The following BICD1 variants were observed in gnomAD, a reference collection of about 807,000 sequenced individuals.
BICD1 encodes the protein protein bicaudal D homolog 1.
Under a neutral mutation model 92.5 loss-of-function variants are expected in BICD1, and 35 were observed. The observed-to-expected ratio is 0.38, with a 90% confidence interval of 0.29 to 0.50. BICD1 has a LOEUF of 0.50. BICD1 is among the 20% of genes least tolerant of loss of function. BICD1 has a pLI of 0.93. For missense variants in BICD1, 950 were observed against 1,189.8 expected (o/e 0.80, Z 2.97); for synonymous variants, 429 against 465.1 (o/e 0.92, Z 1.00).
chr12:32,355,667 T>C (rs1939066725), intron 8 of BICD1, among the ~76,000 whole-genome samples: 2 of 152,120 alleles, frequency 1.3e-5, no homozygotes, highest in East Asian at 3.9e-4. Context: ...CTGGGCGTGG[T>C]AGCATGCACG....
At chr12:32,366,201 G>A in intron 8 of BICD1, among the ~76,000 whole-genome samples, 1 of 152,292 alleles carries the variant, frequency 6.6e-6, no homozygotes, top group South Asian at 2.1e-4. Context: ...ATATAGGCAG[G>A]CTTTTTTATA....
Position 32,164,266 on chromosome 12 carries a change from A to C in BICD1, c.214-51981A>C, listed in dbSNP as rs529219529. 4.6e-5 allele frequency among the ~76,000 whole-genome samples: 7 copies of C among 152,302 alleles called. No homozygotes were observed. In the East Asian group the frequency reaches 1.3e-3, roughly 29 times the overall value. On this transcript the variant is annotated intron_variant, in intron 1 of 9. Transcript: ENST00000652176. ...GTTAATTATCCTGATAATGTATAGA[A>C]TGTATCTTGTTTACCAATGGTATTG...
In BICD1 at chr12:32,380,738, A is replaced by G. The variant is rs558414218; in HGVS notation, c.*3111A>G. 6.6e-5 allele frequency: 10 copies of G among 152,280 alleles called. No individual in the cohort carries two copies. The highest frequency in any genetic ancestry group is 2.1e-4 in the South Asian group (1 of 4,826). The allele number at this position is 152,280 out of a possible 1,614,324, so 9.4% of individuals were successfully genotyped here. The stretch of plus-strand genomic sequence containing the variant: ...ATAAAATAATTTGGAGAACTTTGAG[A>G]AAAAGGAAAACTGTTAAATAAGAAA... On this transcript the variant is annotated 3_prime_UTR_variant, in exon 10 of 10. Transcript: ENST00000652176.
chr12:32,294,129 AC>A lies in BICD1; in HGVS notation c.563del (p.Thr188SerfsTer2). ...TATCACATTGCAGAAACTAGTGTCC[AC>A]GTTGAAGCAGAACCAGGTAAGGTTT... is the stretch of plus-strand genomic sequence containing the variant. ...ENITLQKLVS[T>X]LKQNQVEYEG... On this transcript the variant is annotated frameshift_variant, in exon 3 of 10. Transcript: ENST00000652176. LOFTEE classifies it high-confidence loss of function. 6.2e-7 allele frequency: 1 copy of A among 1,601,828 alleles called. No individual in the cohort carries two copies. Among genetic ancestry groups the A allele is most frequent in the Non-Finnish European group, 8.5e-7 (1 of 1,177,160 alleles).
At chr12:32,360,402 G>A (rs1232734017) in intron 8 of BICD1, among the ~76,000 whole-genome samples, 1 of 152,120 alleles carries the variant, frequency 6.6e-6, no homozygotes, top group African/African-American at 2.4e-5. Context: ...TTTTTACACG[G>A]TGGAAAAGAA....
chr12:32,252,995 A>C (rs1046116735), intron 2 of BICD1, among the ~76,000 whole-genome samples: 1 of 151,822 alleles, frequency 6.6e-6, no homozygotes, highest in African/African-American at 2.4e-5. Context: ...GGATTCTCCC[A>C]CCTCAGCCTC....
intron 1 of BICD1, among the ~76,000 whole-genome samples, chr12:32,110,118 G>A (rs1144716): frequency 0.27 from 40,785 of 152,112 alleles, 5,803 homozygotes; most frequent in Admixed American, 0.43. Context: ...GTAATTTGCA[G>A]TATAGCAACA....
intron 8 of BICD1, among the ~76,000 whole-genome samples, chr12:32,349,810 A>G (rs1430180350): frequency 1.3e-5 from 2 of 152,226 alleles, no homozygotes; most frequent in Non-Finnish European, 2.9e-5. Context: ...AGGAAGGAGT[A>G]GTGATGTTCC....
At chr12:32,329,089 AATT>A (rs796345960) in intron 5 of BICD1, among the ~76,000 whole-genome samples, 2 of 145,822 alleles carry the variant, frequency 1.4e-5, no homozygotes, top group African/African-American at 2.5e-5. Flanking sequence ...AGTATAGCAA[AATT>A]ATTATTATTA....
intron 2 of BICD1, among the ~76,000 whole-genome samples, chr12:32,272,865 T>TC: frequency 6.6e-6 from 1 of 152,156 alleles, no homozygotes; most frequent in Non-Finnish European, 1.5e-5. Flanking sequence ...AGGGTTTAGA[T>TC]TGGAAAATAA....
At chr12:32,274,411 G>A (rs1277155286) in intron 2 of BICD1, among the ~76,000 whole-genome samples, 1 of 152,150 alleles carries the variant, frequency 6.6e-6, no homozygotes, top group Admixed American at 6.5e-5. Flanking sequence ...ATATTGCTCT[G>A]TTTCAGTAAC....
chr12:32,232,942 T>C (rs1292991607), intron 2 of BICD1, among the ~76,000 whole-genome samples: 1 of 152,160 alleles, frequency 6.6e-6, no homozygotes, highest in Admixed American at 6.5e-5. Context: ...TCTTGTGTAG[T>C]AGCCTGTCAT....
At chr12:32,115,831 T>C (rs1385542494) in intron 1 of BICD1, among the ~76,000 whole-genome samples, 1 of 152,140 alleles carries the variant, frequency 6.6e-6, no homozygotes, top group Non-Finnish European at 1.5e-5. Context: ...CCTGGCTAGT[T>C]TCCATGGCCG....
chr12:32,291,704 G>T (rs1041442764), intron 2 of BICD1, among the ~76,000 whole-genome samples: 5 of 151,760 alleles, frequency 3.3e-5, no homozygotes, highest in Admixed American at 3.3e-4. Flanking sequence ...CAGTTGTGCT[G>T]GTGTACACCT....
rs554015780 is a variant in BICD1 at position 32,350,314 on chromosome 12, C to T, written c.2764+11335C>T. 5.3e-5 allele frequency among the ~76,000 whole-genome samples: 8 copies of T among 152,100 alleles called. No homozygotes were observed. The East Asian group carries it at 1.5e-3, about 29-fold the overall frequency. On this transcript the variant is annotated intron_variant, in intron 8 of 9. Coordinates refer to ENST00000652176, the MANE Select transcript of BICD1 (RefSeq NM_001714.4). ...CCTGGGCAACATGGTGAAACCCTGT[C>T]TCTACAAAAAAAACAAAAATTAGCC...
At chr12:32,215,689 C>T (rs954051295) in intron 1 of BICD1, among the ~76,000 whole-genome samples, 1 of 151,918 alleles carries the variant, frequency 6.6e-6, no homozygotes, top group Non-Finnish European at 1.5e-5. Flanking sequence ...GTGGCTTATG[C>T]CTGTAATCCC....
At chr12:32,220,031 G>A (rs1432614770) in intron 2 of BICD1, among the ~76,000 whole-genome samples, 2 of 152,188 alleles carry the variant, frequency 1.3e-5, no homozygotes, top group Admixed American at 1.3e-4. Context: ...GGGAAAACTG[G>A]CTAGCCATAT....
intron 2 of BICD1, among the ~76,000 whole-genome samples, chr12:32,264,242 A>G (rs1173245825): frequency 6.6e-6 from 1 of 152,214 alleles, no homozygotes; most frequent in Non-Finnish European, 1.5e-5. Flanking sequence ...AAATATTGTT[A>G]TTAGCTCTTA....
intron 4 of BICD1, among the ~76,000 whole-genome samples, chr12:32,317,675 G>A (rs1309176847): frequency 1.3e-5 from 2 of 152,146 alleles, no homozygotes; most frequent in African/African-American, 4.8e-5. Context: ...TGTTCACTCT[G>A]ATAGTAGTTT....
Sources: gnomAD v4.1 joint callset for allele counts (sites outside exome capture counted in the v4.1 genomes callset) on GRCh38, gnomAD v4.1.1 for gene constraint, MANE v1.5 for transcripts, NCBI Gene and HGNC (gene_info 2026-07-23, HGNC 2026-07-21) for gene names.